Variants in SRPRA observed in about 807,000 individuals in gnomAD.
SRPRA encodes the protein SRP receptor subunit alpha.
Under a neutral mutation model 61.1 loss-of-function variants are expected in SRPRA, and 30 were observed. The ratio of observed to expected loss-of-function variants is 0.49; its 90% CI spans 0.37 to 0.67. SRPRA has a LOEUF of 0.67. Ranked by LOEUF, SRPRA falls within the 30% of genes least tolerant of loss-of-function variation. The probability of loss-of-function intolerance (pLI) is 0.00; values close to 1 mark genes in which losing one functional copy is unlikely to be tolerated. For synonymous variants in SRPRA, 324 were observed against 299.7 expected (o/e 1.08, Z -0.84); for missense variants, 759 against 828.4 (o/e 0.92, Z 1.03).
At chr11:126,262,240 C>T, downstream of SRPRA, 1 of 1,262,166 alleles carries the variant, frequency 7.9e-7, no homozygotes, top group Non-Finnish European at 1.1e-6. Context: ...CAGAAAGTAA[C>T]AATAGCCAGA....
At chr11:126,241,708 C>T in the SRPRA span, among the ~76,000 whole-genome samples, 1 of 151,986 alleles carries the variant, frequency 6.6e-6, no homozygotes, top group Non-Finnish European at 1.5e-5. Context: ...TGCCACCATG[C>T]CCAGCTAATT....
chr11:126,266,697 G>C, intron 5 of SRPRA, 66 bp downstream of exon 5: 1 of 1,608,398 alleles, frequency 6.2e-7, no homozygotes, highest in Non-Finnish European at 8.5e-7. Flanking sequence ...CCAGAGACCA[G>C]AACTCCCTTG....
the SRPRA span, chr11:126,250,839 A>G: frequency 8.2e-6 from 7 of 855,544 alleles, no homozygotes; most frequent in African/African-American, 8.6e-5. The surrounding 1 kb of genome is among the most constrained non-coding windows in gnomAD (Gnocchi z 5.1). Flanking sequence ...GCTAGAAAGG[A>G]AAAATTTTTT....
At chr11:126,241,613 G>A in the SRPRA span, among the ~76,000 whole-genome samples, 3 of 151,780 alleles carry the variant, frequency 2.0e-5, no homozygotes, top group African/African-American at 4.8e-5. Flanking sequence ...TCAGTGGTTC[G>A]ATCTCGCCTC....
chr11:126,250,248 C>T, the SRPRA span, among the ~76,000 whole-genome samples: 17 of 152,132 alleles, frequency 1.1e-4, no homozygotes, highest in African/African-American at 2.9e-4. The surrounding 1 kb of genome is among the most constrained non-coding windows in gnomAD (Gnocchi z 5.1). Flanking sequence ...CCTGTCACCA[C>T]GCCCTGCTAA....
In SRPRA at chr11:126,267,979, G is replaced by A. The variant is rs752426588; in HGVS notation, c.201+24C>T. The A allele has an allele frequency of 1.2e-6, 2 of 1,608,452 alleles. No individual in the cohort carries two copies. The highest frequency in any genetic ancestry group is 1.1e-5 in the South Asian group (1 of 90,940). On this transcript the variant is annotated intron_variant, in intron 2 of 13. Transcript: ENST00000332118. The surrounding 1 kb of genome is among the most constrained non-coding windows in gnomAD (Gnocchi z 4.2). ...TCAGGGCTATGTTAACAATGCAATC[G>A]TCCCTCTACAACACCCCACTTACCA...
chr11:126,251,754 A>T, the SRPRA span, among the ~76,000 whole-genome samples: 1 of 140,506 alleles, frequency 7.1e-6, no homozygotes, highest in Non-Finnish European at 1.5e-5. Flanking sequence ...TTTTTGAGAG[A>T]CAGTTTCGCT....
chr11:126,250,189 T>C, the SRPRA span, among the ~76,000 whole-genome samples: 3 of 151,942 alleles, frequency 2.0e-5, no homozygotes, highest in African/African-American at 7.2e-5. This position sits in a 1 kb window ranked among gnomAD's most constrained non-coding sequence, Gnocchi z 5.1. Context: ...CCTCCTGGGT[T>C]CACACCATTC....
downstream of SRPRA, chr11:126,261,108 G>A (rs1950685924): frequency 4.3e-6 from 1 of 234,352 alleles, no homozygotes; most frequent in African/African-American, 2.2e-5. Context: ...ACCGAAACTT[G>A]GCCCTCTAGA....
the SRPRA span, among the ~76,000 whole-genome samples, chr11:126,248,773 C>T: frequency 6.6e-6 from 1 of 152,206 alleles, no homozygotes; most frequent in Non-Finnish European, 1.5e-5. Flanking sequence ...TTAATCACGT[C>T]TTACTAGGTC....
At chr11:126,258,666 C>G (rs1159016869), downstream of SRPRA, among the ~76,000 whole-genome samples, 1 of 152,164 alleles carries the variant, frequency 6.6e-6, no homozygotes, top group Non-Finnish European at 1.5e-5. Context: ...TGTTGTTTGC[C>G]CACACTTGAG....
rs748867346 is a variant in SRPRA, at chr11:126,267,144, G to T, written c.526+31C>A. On this transcript the variant is annotated intron_variant, in intron 4 of 13. Transcript: ENST00000332118. The surrounding 1 kb of genome is among the most constrained non-coding windows in gnomAD (Gnocchi z 4.2). ...TTAGCACCGTGTTAACACCTTTCAT[G>T]TCCCAGTATATCCAAAGAACTCAAA... The T allele has an allele frequency of 6.2e-7, 1 of 1,613,236 alleles. No homozygotes were observed. Among genetic ancestry groups the T allele is most frequent in the Non-Finnish European group, 8.5e-7 (1 of 1,179,792 alleles).
the SRPRA span, among the ~76,000 whole-genome samples, chr11:126,238,474 T>C: frequency 6.6e-6 from 1 of 152,196 alleles, no homozygotes; most frequent in Non-Finnish European, 1.5e-5. Flanking sequence ...GGAATCGTCC[T>C]CATTTCCTAA....
chr11:126,261,343 C>T (rs1950693555), downstream of SRPRA: 1 of 1,123,428 alleles, frequency 8.9e-7, no homozygotes, highest in Non-Finnish European at 1.3e-6. Context: ...ACCATATGTC[C>T]TCATCTCCCT....
At chr11:126,244,112 C>T in the SRPRA span, among the ~76,000 whole-genome samples, 1 of 151,956 alleles carries the variant, frequency 6.6e-6, no homozygotes, top group African/African-American at 2.4e-5. The surrounding 1 kb of genome is among the most constrained non-coding windows in gnomAD (Gnocchi z 4.5). Context: ...CGATAAAGAC[C>T]GTATATGAAA....
intron 6 of SRPRA, 52 bp from the exon 7 acceptor site, chr11:126,266,330 G>A: frequency 6.2e-7 from 1 of 1,603,786 alleles, no homozygotes; most frequent in African/African-American, 1.3e-5. Flanking sequence ...GGTCTCTGAG[G>A]AAAACGTCCA....
At chr11:126,249,842 C>T in the SRPRA span, among the ~76,000 whole-genome samples, 1 of 151,746 alleles carries the variant, frequency 6.6e-6, no homozygotes, top group East Asian at 1.9e-4. Flanking sequence ...GAAAGTGTTG[C>T]CTTCTTACCT....
chr11:126,259,393 A>G (rs1358849079), downstream of SRPRA, among the ~76,000 whole-genome samples: 3 of 151,798 alleles, frequency 2.0e-5, no homozygotes, highest in Non-Finnish European at 4.4e-5. Context: ...TAATTCTTAT[A>G]ATCCATTACC....
downstream of SRPRA, among the ~76,000 whole-genome samples, chr11:126,259,398 A>C (rs1950635653): frequency 6.7e-6 from 1 of 149,966 alleles, no homozygotes; most frequent in Non-Finnish European, 1.5e-5. Context: ...CTTATAATCC[A>C]TTACCATACA....
Sources: allele counts gnomAD v4.1 joint callset (sites outside exome capture counted in the v4.1 genomes callset), GRCh38; gene constraint gnomAD v4.1.1; non-coding constraint Gnocchi (gnomAD v3.1); transcripts MANE v1.5; gene names NCBI Gene and HGNC (gene_info 2026-07-23, HGNC 2026-07-21).